Variants in XPO6 observed in about 807,000 individuals in gnomAD.
XPO6 encodes the protein exportin 6, also known as exportin-6.
In XPO6, 3 loss-of-function variants were observed where a neutral mutation model predicts 130.0. That is an observed-to-expected ratio of 0.02 (90% CI 0.01 to 0.06). XPO6 has a LOEUF of 0.06. Ranked by LOEUF, XPO6 falls within the 10% of genes least tolerant of loss-of-function variation. The probability of loss-of-function intolerance (pLI) is 1.00; values close to 1 mark genes in which losing one functional copy is unlikely to be tolerated. For synonymous variants in XPO6, 524 were observed against 548.9 expected (o/e 0.95, Z 0.63); for missense variants, 970 against 1,393.0 (o/e 0.70, Z 4.83).
chr16:28,114,774 G>A (rs1354587740), intron 15 of XPO6, among the ~76,000 whole-genome samples: 2 of 152,176 alleles, frequency 1.3e-5, no homozygotes, highest in African/African-American at 4.8e-5. Context: ...ATGCGGTGCC[G>A]TTTCATAGCA....
Position 28,175,617 on chromosome 16 carries a change from C to G in XPO6, c.405+281G>C, listed in dbSNP as rs536158818. On this transcript the variant is annotated intron_variant, in intron 4 of 23. Transcript: ENST00000304658. ...AACTACTGAAAGCCTCACCCTTGTA[C>G]CCCCAACACCTAGTACAGCACCTAA... Among the ~76,000 whole-genome samples the G allele has an allele frequency of 5.3e-5, 8 of 152,332 alleles. No homozygotes were observed. The South Asian group carries it at 1.5e-3, about 28-fold the overall frequency.
Position 28,176,098 on chromosome 16 carries a change from G to A in XPO6, c.208-3C>T, listed in dbSNP as rs1177489516. Reference sequence around the variant, plus strand: ...AGCCACATTTTATTGATCAGATTCTGAAAAACAAATATACATCTTTTAAGT... The same window carrying A: ...AGCCACATTTTATTGATCAGATTCTAAAAAACAAATATACATCTTTTAAGT... On this transcript the variant is annotated splice_polypyrimidine_tract_variant and splice_region_variant and intron_variant, in intron 3 of 23. Transcript: ENST00000304658. The A allele has an allele frequency of 1.9e-6, 3 of 1,613,780 alleles. No homozygotes were observed. In the South Asian group the frequency reaches 3.3e-5, roughly 18 times the overall value.
intron 1 of XPO6, among the ~76,000 whole-genome samples, chr16:28,193,241 G>T (rs1039203382): frequency 6.6e-6 from 1 of 152,130 alleles, no homozygotes; most frequent in African/African-American, 2.4e-5. Flanking sequence ...AAGTATCCCT[G>T]CAAATATAGA....
Position 28,166,589 on chromosome 16 carries a change from C to A in XPO6, c.566-4G>T. On this transcript the variant is annotated splice_polypyrimidine_tract_variant and splice_region_variant and intron_variant, in intron 5 of 23. Transcript: ENST00000304658. ...TCCCAGACAGTCTCCAAGATACCTA[C>A]CAAGAAAGGAGAAACAGAGTTATAA... is the stretch of plus-strand genomic sequence containing the variant. 6.3e-7 allele frequency: 1 copy of A among 1,578,988 alleles called. No homozygotes were observed. The highest frequency in any genetic ancestry group is 1.8e-5 in the Admixed American group (1 of 54,876).
intron 13 of XPO6, among the ~76,000 whole-genome samples, chr16:28,123,722 C>A (rs2141269429): frequency 6.6e-6 from 1 of 152,244 alleles, no homozygotes; most frequent in East Asian, 1.9e-4. Flanking sequence ...AAACAATATA[C>A]CAATATGCAC....
intron 6 of XPO6, chr16:28,165,293 T>G (rs2043339476): frequency 6.6e-6 from 1 of 152,222 alleles, no homozygotes; most frequent in South Asian, 2.1e-4. Context: ...AAGACATTCG[T>G]TCACTCATAA....
At chr16:28,174,181 C>T (rs1219896553) in intron 4 of XPO6, among the ~76,000 whole-genome samples, 1 of 152,148 alleles carries the variant, frequency 6.6e-6, no homozygotes, top group Non-Finnish European at 1.5e-5. Context: ...CCAGTCCAGG[C>T]CTACTGGCCT....
rs115161073 is a variant in XPO6 at position 28,152,211 on chromosome 16, G to A, written c.1224+448C>T. ...TACAATAGGAGCTCAAAAAATATTT[G>A]TGAGGGGGAGAAAAACTTGGACACT... On this transcript the variant is annotated intron_variant, in intron 8 of 23. Transcript: ENST00000304658. Among the ~76,000 whole-genome samples the A allele has an allele frequency of 9.8e-3, 1,500 of 152,294 alleles. 30 individuals are homozygous for A. The highest frequency in any genetic ancestry group is 0.034 in the African/African-American group (1,428 of 41,552).
chr16:28,102,132 T>C, intron 21 of XPO6, 187 bp from the exon 22 acceptor site: 1 of 564,300 alleles, frequency 1.8e-6, no homozygotes. Flanking sequence ...CGGGCCTTGC[T>C]TCTTATTATG....
Position 28,125,609 on chromosome 16 carries a change from G to C in XPO6, c.1766+80C>G. The C allele has an allele frequency of 2.6e-6, 4 of 1,519,864 alleles. No individual in the cohort carries two copies. The South Asian group carries it at 5.1e-5, about 19-fold the overall frequency. The allele number at this position is 1,519,864 out of a possible 1,614,324, so 94.1% of individuals were successfully genotyped here. ...CCGGGGCCAGAGCAGAAGCTATTTG[G>C]CAATATGCTGCCCCTCACACAAGAA... On this transcript the variant is annotated intron_variant, in intron 13 of 23. Transcript: ENST00000304658.
intron 9 of XPO6, among the ~76,000 whole-genome samples, chr16:28,145,454 G>A (rs1275574731): frequency 6.6e-6 from 1 of 152,042 alleles, no homozygotes; most frequent in Non-Finnish European, 1.5e-5. Flanking sequence ...ATATGGGGGG[G>A]GAAACAAACC....
chr16:28,159,772 C>A (rs886981702), intron 6 of XPO6, among the ~76,000 whole-genome samples: 7 of 152,112 alleles, frequency 4.6e-5, no homozygotes, highest in African/African-American at 1.4e-4. Context: ...ACATGTAGTA[C>A]AAAATTGATT....
At chr16:28,198,582 C>T (rs28490511) in intron 1 of XPO6, among the ~76,000 whole-genome samples, 151,451 of 152,088 alleles carry the variant, frequency 1, 75,417 homozygotes, top group Middle Eastern at 1. Flanking sequence ...AGCAGGAGGA[C>T]TGCTCGAGCC....
chr16:28,209,640 CA>C (rs200663753), intron 1 of XPO6, among the ~76,000 whole-genome samples: 661 of 43,024 alleles, frequency 0.015, 1 homozygote, highest in Non-Finnish European at 0.026. Flanking sequence ...AACTCCATCT[CA>C]AAAAAAAAAA....
At chr16:28,187,609 G>C (rs1014094965) in intron 1 of XPO6, among the ~76,000 whole-genome samples, 3 of 150,540 alleles carry the variant, frequency 2.0e-5, no homozygotes, top group Non-Finnish European at 4.4e-5. Flanking sequence ...AGTGTGGGCT[G>C]AAAGTCACTG....
intron 8 of XPO6, among the ~76,000 whole-genome samples, chr16:28,151,179 TAAAAAAAA>T (rs57769506): frequency 9.4e-6 from 1 of 106,770 alleles, no homozygotes; most frequent in African/African-American, 3.4e-5. Flanking sequence ...CACTAGTGGT[TAAAAAAAA>T]AAAAAAAAAA....
chr16:28,100,074 G>C (rs937065377), intron 23 of XPO6, among the ~76,000 whole-genome samples: 5 of 152,060 alleles, frequency 3.3e-5, no homozygotes, highest in African/African-American at 1.2e-4. Flanking sequence ...TGCAACCTCT[G>C]CCTCCCGGGT....
intron 1 of XPO6, among the ~76,000 whole-genome samples, chr16:28,208,194 T>C (rs1271715091): frequency 6.6e-6 from 1 of 152,142 alleles, no homozygotes; most frequent in Non-Finnish European, 1.5e-5. Flanking sequence ...AGCTAGCACA[T>C]CAAAGATGCT....
At chr16:28,104,380 A>G (rs1232657041) in intron 21 of XPO6, among the ~76,000 whole-genome samples, 166 bp downstream of exon 21, 1 of 152,162 alleles carries the variant, frequency 6.6e-6, no homozygotes, top group Non-Finnish European at 1.5e-5. Flanking sequence ...CATTAGCTCC[A>G]CTTTGCAGAT....
Sources: allele counts gnomAD v4.1 joint callset (sites outside exome capture counted in the v4.1 genomes callset), GRCh38; gene constraint gnomAD v4.1.1; transcripts MANE v1.5; gene names NCBI Gene and HGNC (gene_info 2026-07-23, HGNC 2026-07-21).